Variants in NUAK2 observed in about 807,000 individuals in gnomAD.
NUAK2 encodes NUAK family SNF1-like kinase 2.
NUAK2 carries 20 observed loss-of-function variants against 29.8 expected under a neutral mutation model. That is an observed-to-expected ratio of 0.67 (90% confidence interval 0.47 to 0.98). The LOEUF (loss-of-function observed/expected upper bound fraction) is 0.98. Among genes scored for constraint, NUAK2 ranks in the 50% least tolerant of loss-of-function variants. NUAK2 has a pLI of 0.00. For missense variants in NUAK2, 719 were observed against 834.5 expected (o/e 0.86, Z 1.71); for synonymous variants, 331 against 342.6 (o/e 0.97, Z 0.37).
chr1:205,319,883 T>C (rs1662384923), intron 1 of NUAK2, among the ~76,000 whole-genome samples: 1 of 151,120 alleles, frequency 6.6e-6, no homozygotes, highest in Non-Finnish European at 1.5e-5. Flanking sequence ...GCAAACACAA[T>C]CTGGGGAAGT....
rs139470110 is a variant in NUAK2, at chr1:205,308,376, T to C, written c.505-146A>G. 42 of 789,218 alleles carry C rather than the reference T, an allele frequency of 5.3e-5. No individual in the cohort carries two copies. The East Asian group carries it at 1.0e-3, about 19-fold the overall frequency. The allele number at this position is 789,218 out of a possible 1,614,324, so 48.9% of individuals were successfully genotyped here. A position where few individuals can be genotyped will look rare whatever the true frequency, so the allele number is the denominator to read the frequency against. On this transcript the variant is annotated intron_variant, in intron 3 of 6. Coordinates refer to ENST00000367157, the MANE Select transcript of NUAK2 (RefSeq NM_030952.3). This position sits in a 1 kb window ranked among gnomAD's most constrained non-coding sequence, Gnocchi z 4.1. ...GGGAATGCCTATCTTTATCGGTATG[T>C]GCTGCAAGAAATCACGGGCCCTTCT...
At position 205,304,590 on chromosome 1, in the gene NUAK2, C is replaced by A. The variant is rs1262320694; in HGVS notation, c.824-77G>T. 4.9e-6 allele frequency: 6 copies of A among 1,230,886 alleles called. No individual in the cohort carries two copies. The Admixed American group carries it at 1.5e-4, about 30-fold the overall frequency. The allele number at this position is 1,230,886 out of a possible 1,614,324, so 76.2% of individuals were successfully genotyped here. A position where few individuals can be genotyped will look rare whatever the true frequency, so the allele number is the denominator to read the frequency against. ...TCCCTGTCCCCTGTCCCCAGCTCAT[C>A]CCCTTTTGAGCTATGACACTGCATA... On this transcript the variant is annotated intron_variant, in intron 6 of 6. Coordinates refer to ENST00000367157, the MANE Select transcript of NUAK2 (RefSeq NM_030952.3). This position sits in a 1 kb window ranked among gnomAD's most constrained non-coding sequence, Gnocchi z 6.5.
Position 205,305,233 on chromosome 1 carries a change from G to C in NUAK2, c.789C>G (p.Ser263Arg). Residue 263 changes from serine (S) to arginine (R), a missense_variant, in exon 6 of 7, where the codon AGC (serine) becomes AGG (arginine). Ser to Arg is a moderately radical substitution (Grantham distance 110). Around this residue, in one of 3 missense-constraint regions of NUAK2, gnomAD observed 283 missense variants for 345.6 expected, o/e 0.82. Transcript: ENST00000367157. Reference sequence around the variant, plus strand: ...TAGGTGGCTCCCGGTAGGCCCCGTTGCTGATCTGTTTCACTAGGATCTTAT... The same window carrying C: ...TAGGTGGCTCCCGGTAGGCCCCGTTCCTGATCTGTTTCACTAGGATCTTAT... Reference protein sequence around the residue: ...HDHKILVKQISNGAYREPPKP... With the variant: ...HDHKILVKQIRNGAYREPPKP... 6.2e-7 allele frequency: 1 copy of C among 1,614,206 alleles called. No homozygotes were observed. The highest frequency in any genetic ancestry group is 2.2e-5 in the East Asian group (1 of 44,880).
In NUAK2 at chr1:205,312,088, G is replaced by C. The variant is rs1054871701; in HGVS notation, c.232-263C>G. The stretch of plus-strand genomic sequence containing the variant: ...CCTCCTTATTCATAGTCTACAGATA[G>C]ACAAGGAAGGTAAAAACCTGCATTT... On this transcript the variant is annotated intron_variant, in intron 1 of 6. Coordinates refer to ENST00000367157, the MANE Select transcript of NUAK2 (RefSeq NM_030952.3). 9.2e-5 allele frequency among the ~76,000 whole-genome samples: 14 copies of C among 152,198 alleles called. No individual in the cohort carries two copies. The East Asian group carries it at 2.7e-3, about 29-fold the overall frequency.
Position 205,303,459 on chromosome 1 carries a change from C to T in NUAK2, c.1878G>A (p.Lys626=), listed in dbSNP as rs766216690. The T allele has an allele frequency of 3.2e-6, 5 of 1,585,574 alleles. No homozygotes were observed. The highest frequency in any genetic ancestry group is 4.3e-6 in the Non-Finnish European group (5 of 1,165,840). The change falls in exon 7 of 7, where the codon AAG becomes AAA. Residue 626 remains lysine (K), a synonymous_variant. Coordinates refer to ENST00000367157, the MANE Select transcript of NUAK2 (RefSeq NM_030952.3). The part of the protein sequence containing the change: ...TYRQALRVCS[K]LT ...GCAATGCCTACTCCACTCAGGTGAG[C>T]TTTGAGCAGACCCTCAGTGCCTGTC...
In NUAK2 at chr1:205,308,603, G is replaced by C. The variant is rs1236439822; in HGVS notation, c.482C>G (p.Ser161Cys). ...EARHFFRQIV[S>C]AVHYCHQNRV... is the part of the protein sequence containing the mutation. ...CACCTGATGGCAATAGTGCACGGCA[G>C]AGACGATCTGCCGGAAGAAATGCCT... Residue 161 changes from serine (S) to cysteine (C), a missense_variant, in exon 3 of 7, where the codon TCT (serine) becomes TGT (cysteine). This residue lies in a region of NUAK2 where 283 missense variants were observed against 345.6 expected (regional missense o/e 0.82). Coordinates refer to ENST00000367157, the MANE Select transcript of NUAK2 (RefSeq NM_030952.3). This position sits in a 1 kb window ranked among gnomAD's most constrained non-coding sequence, Gnocchi z 4.1. The C allele has an allele frequency of 6.2e-7, 1 of 1,613,984 alleles. No homozygotes were observed. The highest frequency in any genetic ancestry group is 8.5e-7 in the Non-Finnish European group (1 of 1,180,014).
chr1:205,317,896 C>T (rs1662352551), intron 1 of NUAK2, among the ~76,000 whole-genome samples: 1 of 152,210 alleles, frequency 6.6e-6, no homozygotes, highest in Non-Finnish European at 1.5e-5. Flanking sequence ...GTAGGACAGA[C>T]CTCCAGGACG....
chr1:205,307,986 C>T (rs1050333153), intron 4 of NUAK2, among the ~76,000 whole-genome samples, 179 bp downstream of exon 4: 1 of 152,202 alleles, frequency 6.6e-6, no homozygotes, highest in Non-Finnish European at 1.5e-5. Context: ...TCCAGCTCTC[C>T]ATCCACACAA....
At chr1:205,311,509 T>C (rs1020379903) in intron 2 of NUAK2, among the ~76,000 whole-genome samples, 196 bp downstream of exon 2, 1 of 152,244 alleles carries the variant, frequency 6.6e-6, no homozygotes, top group Admixed American at 6.5e-5. Context: ...AATGAGGAAC[T>C]GAGGCCCAGA....
chr1:205,317,771 G>A lies in NUAK2; in HGVS notation c.231+3627C>T, dbSNP rs150773377. 9.7e-3 allele frequency among the ~76,000 whole-genome samples: 1,485 copies of A among 152,350 alleles called. 88 individuals are homozygous for A. The highest frequency in any genetic ancestry group is 0.09 in the Admixed American group (1,380 of 15,310). On this transcript the variant is annotated intron_variant, in intron 1 of 6. Transcript: ENST00000367157. ...CAAGCAAGCCCTTGGCAGCCAGCCA[G>A]GCAGGAGTCCTTCTCTGGAGCTGGG...
chr1:205,305,744 C>T (rs1662171006), intron 5 of NUAK2, among the ~76,000 whole-genome samples: 1 of 152,162 alleles, frequency 6.6e-6, no homozygotes, highest in Non-Finnish European at 1.5e-5. Context: ...TGGAGTCTTG[C>T]TCTGTTGCCC....
Position 205,305,345 on chromosome 1 carries a change from G to T in NUAK2, c.691-14C>A. 3 of 1,611,974 alleles carry T rather than the reference G, an allele frequency of 1.9e-6. No individual in the cohort carries two copies. The highest frequency in any genetic ancestry group is 2.5e-6 in the Non-Finnish European group (3 of 1,179,024). ...CCAGCTGTCCACCTGAGAGAGATGG[G>T]GGAGGTCAGCAGGGATGCCCATACC... On this transcript the variant is annotated splice_polypyrimidine_tract_variant and intron_variant, in intron 5 of 6. Coordinates refer to ENST00000367157, the MANE Select transcript of NUAK2 (RefSeq NM_030952.3).
At position 205,303,678 on chromosome 1, in the gene NUAK2, G is replaced by A; in HGVS notation, c.1659C>T (p.Ser553=). Residue 553 remains serine, a synonymous_variant, in exon 7 of 7, where the codon TCC becomes TCT. Coordinates refer to ENST00000367157, the MANE Select transcript of NUAK2 (RefSeq NM_030952.3). ...VSEDSILSSE[S]FDQLDLPERL... is the part of the protein sequence containing the mutation. ...GTTCAGGCAAGTCCAGCTGGTCAAA[G>A]GACTCAGAGGACAGGATGCTGTCCT... The A allele has an allele frequency of 6.4e-7, 1 of 1,553,484 alleles. No homozygotes were observed. The highest frequency in any genetic ancestry group is 1.4e-5 in the African/African-American group (1 of 72,862).
intron 1 of NUAK2, among the ~76,000 whole-genome samples, chr1:205,320,560 G>A (rs1215277020): frequency 1.3e-5 from 2 of 152,188 alleles, no homozygotes; most frequent in Admixed American, 6.5e-5. Context: ...CACCGCGCCC[G>A]GCTATCTCAC....
rs369633581 is a variant in NUAK2 at position 205,311,807 on chromosome 1, G to A, written c.250C>T (p.Arg84Trp). The change falls in exon 2 of 7, where the codon CGG becomes TGG. Residue 84 changes from arginine (R) to tryptophan (W), a missense_variant. This residue lies in a region of NUAK2 where 283 missense variants were observed against 345.6 expected (regional missense o/e 0.82). Transcript: ENST00000367157. ...TGCTCATCTTTGATTTTGTCCTTCC[G>A]GATTGACTTGATGGCCACCTGGGAA... ...SGRLVAIKSI[R>W]KDKIKDEQDL... The A allele has an allele frequency of 2.4e-5, 39 of 1,613,818 alleles. No individual in the cohort carries two copies. The highest frequency in any genetic ancestry group is 5.3e-5 in the African/African-American group (4 of 74,894).
In NUAK2 at chr1:205,308,537, G is replaced by A. The variant is rs778282078; in HGVS notation, c.504+44C>T. 1 of 1,597,476 alleles carries A rather than the reference G, an allele frequency of 6.3e-7. No homozygotes were observed. Among genetic ancestry groups the A allele is most frequent in the South Asian group, 1.1e-5 (1 of 90,540 alleles). On this transcript the variant is annotated intron_variant, in intron 3 of 6. Coordinates refer to ENST00000367157, the MANE Select transcript of NUAK2 (RefSeq NM_030952.3). The surrounding 1 kb of genome is among the most constrained non-coding windows in gnomAD (Gnocchi z 4.1). The stretch of plus-strand genomic sequence containing the variant: ...GGTCCAAAACAGCCCTAGAGCCCTG[G>A]GGACCACCCACTGAGAATATGGCTG...
In NUAK2 at chr1:205,303,166, C is replaced by G. The variant is rs978408370; in HGVS notation, c.*284G>C. On this transcript the variant is annotated 3_prime_UTR_variant, in exon 7 of 7. Transcript: ENST00000367157. ...TCTTTCCAGGTCTCTGTGGCCCCCC[C>G]ATGTACACAAGAAACAGGCAATGTG... 2 of 256,532 alleles carry G rather than the reference C, an allele frequency of 7.8e-6. No individual in the cohort carries two copies. The highest frequency in any genetic ancestry group is 4.5e-5 in the African/African-American group (2 of 44,852). The allele number at this position is 256,532 out of a possible 1,614,324, so 15.9% of individuals were successfully genotyped here. A position where few individuals can be genotyped will look rare whatever the true frequency, so the allele number is the denominator to read the frequency against.
intron 6 of NUAK2, 115 bp downstream of exon 6, chr1:205,305,084 T>C: frequency 4.4e-6 from 6 of 1,353,530 alleles, no homozygotes; most frequent in South Asian, 1.4e-5. Flanking sequence ...TAACCTACCA[T>C]GGGCCATGAT....
intron 1 of NUAK2, 134 bp from the exon 2 acceptor site, chr1:205,311,959 C>T: frequency 2.6e-6 from 3 of 1,146,416 alleles, no homozygotes; most frequent in Non-Finnish European, 3.7e-6. Context: ...CATCCTTCAC[C>T]AGTGTAGGTG....
Sources: gnomAD v4.1 joint callset for allele counts (sites outside exome capture counted in the v4.1 genomes callset) on GRCh38, gnomAD v4.1.1 for gene constraint, gnomAD v4.1.1 regional missense constraint, Gnocchi (gnomAD v3.1) non-coding constraint, MANE v1.5 for transcripts, NCBI Gene and HGNC (gene_info 2026-07-23, HGNC 2026-07-21) for gene names.